CNTN3: variants seen among roughly 807,000 people sequenced by gnomAD.
CNTN3 encodes contactin 3, also known as contactin-3.
Under a neutral mutation model 119.1 loss-of-function variants are expected in CNTN3, and 60 were observed. The ratio of observed to expected loss-of-function variants is 0.50; its 90% CI spans 0.41 to 0.62. The LOEUF (loss-of-function observed/expected upper bound fraction) is 0.62. Among genes scored for constraint, CNTN3 ranks in the 20% least tolerant of loss-of-function variants. The pLI, the probability that CNTN3 is intolerant of heterozygous loss-of-function variation, is 0.00. For missense variants in CNTN3, 1,101 were observed against 1,242.4 expected, an observed-to-expected ratio of 0.89 and a Z score of 1.71; for synonymous variants, 450 against 438.7, an observed-to-expected ratio of 1.03 and a Z score of -0.32.
chr3:74,406,498 C>T (rs773117790), intron 5 of CNTN3, among the ~76,000 whole-genome samples: 2 of 150,252 alleles, frequency 1.3e-5, no homozygotes, highest in African/African-American at 2.4e-5. Flanking sequence ...TAATAAGCAT[C>T]GTTGCTTTTC....
intron 11 of CNTN3, among the ~76,000 whole-genome samples, chr3:74,357,750 C>T (rs187932627): frequency 6.7e-4 from 102 of 152,050 alleles, no homozygotes; most frequent in Non-Finnish European, 1.1e-3. Context: ...GTTTCTTATT[C>T]GCCGACAAGT....
intron 5 of CNTN3, among the ~76,000 whole-genome samples, chr3:74,405,081 G>A (rs1002248229): frequency 6.6e-5 from 10 of 151,822 alleles, no homozygotes; most frequent in South Asian, 2.1e-4. Flanking sequence ...ATTTATATAC[G>A]GTTTCTGTCT....
chr3:74,358,842 T>C (rs1704009303), intron 11 of CNTN3, among the ~76,000 whole-genome samples: 1 of 144,020 alleles, frequency 6.9e-6, no homozygotes, highest in Non-Finnish European at 1.5e-5. Flanking sequence ...TTCCCACCTA[T>C]GAGTGAGAAT....
intron 4 of CNTN3, among the ~76,000 whole-genome samples, chr3:74,463,033 G>A (rs1438355628): frequency 2.0e-5 from 3 of 152,122 alleles, no homozygotes; most frequent in Non-Finnish European, 4.4e-5. Flanking sequence ...ATGTCTTTAT[G>A]TCCCTCACAT....
chr3:74,477,065 G>A (rs11918154), intron 4 of CNTN3, among the ~76,000 whole-genome samples: 29,970 of 152,078 alleles, frequency 0.2, 3,450 homozygotes, highest in South Asian at 0.36. Context: ...CATAAGACAT[G>A]CATCCCAAGA....
At chr3:74,283,782 C>T (rs1702059893) in intron 20 of CNTN3, among the ~76,000 whole-genome samples, 1 of 152,130 alleles carries the variant, frequency 6.6e-6, no homozygotes, top group Admixed American at 6.5e-5. Context: ...GAAAACCAAA[C>T]ATATTTAGTA....
At chr3:74,409,953 C>T (rs1701410786) in intron 5 of CNTN3, among the ~76,000 whole-genome samples, 1 of 152,180 alleles carries the variant, frequency 6.6e-6, no homozygotes, top group African/African-American at 2.4e-5. Flanking sequence ...TGGAATACTA[C>T]TTCCAACATA....
chr3:74,552,270 A>G (rs1704003264), intron 1 of CNTN3, among the ~76,000 whole-genome samples: 1 of 152,154 alleles, frequency 6.6e-6, no homozygotes, highest in Admixed American at 6.5e-5. Context: ...CCATGTGGAT[A>G]TTTTCGTGTG....
In CNTN3 at chr3:74,296,558, C is replaced by A. The variant is rs367898482; in HGVS notation, c.2402-1322G>T. Among the ~76,000 whole-genome samples the A allele has an allele frequency of 2.6e-5, 4 of 152,250 alleles. No individual in the cohort carries two copies. The East Asian group carries it at 7.7e-4, about 29-fold the overall frequency. On this transcript the variant is annotated intron_variant, in intron 18 of 22. Coordinates refer to ENST00000263665, the MANE Select transcript of CNTN3 (RefSeq NM_020872.3). ...TAGGGGCGGGGAGCCGAAGAAAAAT[C>A]AACTCTACTTACTATTCTTAGGAAT...
intron 1 of CNTN3, among the ~76,000 whole-genome samples, chr3:74,581,741 A>G (rs1704512475): frequency 6.6e-6 from 1 of 152,220 alleles, no homozygotes; most frequent in Non-Finnish European, 1.5e-5. Context: ...GACAGTGTAG[A>G]ATTTGCATAA....
rs549645574 is a variant in CNTN3 at position 74,271,856 on chromosome 3, T to C, written c.2705-4478A>G. Among the ~76,000 whole-genome samples, 6 of 152,324 alleles carry C rather than the reference T, an allele frequency of 3.9e-5. No individual in the cohort carries two copies. The East Asian group carries it at 1.2e-3, about 29-fold the overall frequency. On this transcript the variant is annotated intron_variant, in intron 20 of 22. Coordinates refer to ENST00000263665, the MANE Select transcript of CNTN3 (RefSeq NM_020872.3). The stretch of plus-strand genomic sequence containing the variant: ...GTTTTGGAATCACTGAAAACTATTA[T>C]AAATGGATCTAATTTCTTATCAAAG...
chr3:74,267,393 T>A lies in CNTN3; in HGVS notation c.2705-15A>T, dbSNP rs753814731. ...CTGACTGGGAGCTTGAAATGCAAAA[T>A]GAGAAATTTTAAAACAGATCGAAGT... On this transcript the variant is annotated splice_polypyrimidine_tract_variant and intron_variant, in intron 20 of 22. Coordinates refer to ENST00000263665, the MANE Select transcript of CNTN3 (RefSeq NM_020872.3). The A allele has an allele frequency of 1.3e-6, 2 of 1,556,724 alleles. No individual in the cohort carries two copies. Among genetic ancestry groups the A allele is most frequent in the South Asian group, 2.2e-5 (2 of 89,886 alleles).
intron 5 of CNTN3, among the ~76,000 whole-genome samples, chr3:74,378,537 T>C (rs772600099): frequency 1.4e-4 from 22 of 152,202 alleles, no homozygotes; most frequent in Non-Finnish European, 2.5e-4. Flanking sequence ...AAAAATGCTA[T>C]TTCCTTTCTC....
chr3:74,450,625 T>C (rs1702133168), intron 4 of CNTN3, among the ~76,000 whole-genome samples: 1 of 150,330 alleles, frequency 6.7e-6, no homozygotes, highest in Non-Finnish European at 1.5e-5. Flanking sequence ...ACTCGTCATC[T>C]AGCATTAGGT....
chr3:74,269,423 G>A (rs767550524), intron 20 of CNTN3, among the ~76,000 whole-genome samples: 13 of 152,060 alleles, frequency 8.5e-5, no homozygotes, highest in Non-Finnish European at 1.3e-4. Context: ...TTTCACCCAT[G>A]TTCAAAATGC....
chr3:74,479,366 C>G (rs1487492075), intron 4 of CNTN3, among the ~76,000 whole-genome samples: 3 of 152,018 alleles, frequency 2.0e-5, no homozygotes, highest in Non-Finnish European at 4.4e-5. Flanking sequence ...AAGAGAATAC[C>G]TAGAAGCCTC....
At chr3:74,391,172 C>T (rs1409221988) in intron 5 of CNTN3, among the ~76,000 whole-genome samples, 1 of 152,170 alleles carries the variant, frequency 6.6e-6, no homozygotes, top group Non-Finnish European at 1.5e-5. Flanking sequence ...ATCATCTATG[C>T]TTTCTCTTAC....
chr3:74,315,785 C>T (rs527243848), intron 13 of CNTN3, among the ~76,000 whole-genome samples: 2 of 152,160 alleles, frequency 1.3e-5, no homozygotes, highest in South Asian at 2.1e-4. Context: ...TGGACCCTTC[C>T]CTATCACCAT....
chr3:74,348,226 T>C (rs375630978), intron 11 of CNTN3, among the ~76,000 whole-genome samples: 1 of 151,544 alleles, frequency 6.6e-6, no homozygotes, highest in African/African-American at 2.5e-5. Context: ...TGTGCGGTGA[T>C]AGATATGATA....
Sources: allele counts gnomAD v4.1 joint callset (sites outside exome capture counted in the v4.1 genomes callset), GRCh38; gene constraint gnomAD v4.1.1; transcripts MANE v1.5; gene names NCBI Gene and HGNC (gene_info 2026-07-23, HGNC 2026-07-21).